GHR: variants seen among roughly 807,000 people sequenced by gnomAD.
GHR encodes GH receptor.
In GHR, 35 loss-of-function variants were observed where a neutral mutation model predicts 67.1. The ratio of observed to expected loss-of-function variants is 0.52; its 90% confidence interval spans 0.40 to 0.69. GHR has a LOEUF of 0.69. GHR is among the 30% of genes least tolerant of loss of function. GHR has a pLI of 0.00. For synonymous variants in GHR, 272 were observed against 269.1 expected (o/e 1.01, Z -0.10); for missense variants, 792 against 764.6 (o/e 1.04, Z -0.42).
At chr5:42,487,980 G>A (rs539439581) in intron 1 of GHR, among the ~76,000 whole-genome samples, 22 of 152,262 alleles carry the variant, frequency 1.4e-4, no homozygotes, top group Middle Eastern at 3.4e-3. Flanking sequence ...AGCTGCTCAT[G>A]TTTTTTGATA....
chr5:42,611,609 A>G (rs2036834033), intron 2 of GHR, among the ~76,000 whole-genome samples: 1 of 152,190 alleles, frequency 6.6e-6, no homozygotes, highest in South Asian at 2.1e-4. Context: ...GAACAGACAA[A>G]TACACAGGTC....
intron 1 of GHR, among the ~76,000 whole-genome samples, chr5:42,445,924 G>A (rs1287569936): frequency 6.6e-6 from 1 of 152,178 alleles, no homozygotes; most frequent in Admixed American, 6.5e-5. Context: ...TATGGCAGTT[G>A]AAGCCAAAGC....
At chr5:42,499,740 C>T (rs1409256985) in intron 1 of GHR, among the ~76,000 whole-genome samples, 1 of 152,136 alleles carries the variant, frequency 6.6e-6, no homozygotes, top group African/African-American at 2.4e-5. Context: ...AAACTTAGTT[C>T]AATTATGGTG....
chr5:42,465,083 G>A (rs1435624871), intron 1 of GHR, among the ~76,000 whole-genome samples: 2 of 152,200 alleles, frequency 1.3e-5, no homozygotes, highest in South Asian at 2.1e-4. Flanking sequence ...GATTTCTGGT[G>A]CTGTGTGACA....
chr5:42,573,446 C>T (rs1469382954), intron 2 of GHR, among the ~76,000 whole-genome samples: 3 of 152,070 alleles, frequency 2.0e-5, no homozygotes, highest in Admixed American at 6.5e-5. Flanking sequence ...GTCTTGTCAA[C>T]CTCTTTCCAG....
At chr5:42,683,087 C>T (rs188973498) in intron 3 of GHR, among the ~76,000 whole-genome samples, 40 of 152,212 alleles carry the variant, frequency 2.6e-4, no homozygotes, top group Admixed American at 1.5e-3. Flanking sequence ...CTGCAAACTC[C>T]GCTTCCCAGG....
intron 3 of GHR, among the ~76,000 whole-genome samples, chr5:42,648,516 C>A (rs932549074): frequency 3.3e-5 from 5 of 152,292 alleles, no homozygotes; most frequent in Middle Eastern, 6.8e-3. Flanking sequence ...CTGACTTCTT[C>A]TCTATTCCTG....
At position 42,521,154 on chromosome 5, in the gene GHR, G is replaced by A. The variant is rs367784683; in HGVS notation, c.-11-44710G>A. On this transcript the variant is annotated intron_variant, in intron 1 of 9. Transcript: ENST00000230882. The stretch of plus-strand genomic sequence containing the variant: ...GCTGGATGCGTATATGGCAAGTGGC[G>A]AGAAGCCAAGGGAATAGGACAAGAG... 7.9e-5 allele frequency among the ~76,000 whole-genome samples: 12 copies of A among 152,300 alleles called. No homozygotes were observed. In the South Asian group the frequency reaches 1.2e-3, roughly 16 times the overall value.
intron 1 of GHR, among the ~76,000 whole-genome samples, chr5:42,446,145 A>G (rs1351208411): frequency 6.6e-6 from 1 of 152,244 alleles, no homozygotes; most frequent in African/African-American, 2.4e-5. Context: ...AAGACCAGAC[A>G]TGGACTTTAG....
intron 2 of GHR, among the ~76,000 whole-genome samples, chr5:42,607,121 T>C (rs941853522): frequency 1.3e-5 from 2 of 152,160 alleles, no homozygotes; most frequent in South Asian, 2.1e-4. Flanking sequence ...CCTGCCACCA[T>C]GTAAGATTTG....
chr5:42,610,681 G>A (rs1324662604), intron 2 of GHR, among the ~76,000 whole-genome samples: 1 of 151,918 alleles, frequency 6.6e-6, no homozygotes, highest in Non-Finnish European at 1.5e-5. Flanking sequence ...AAAAAAAGGA[G>A]AGAAGGAATG....
intron 3 of GHR, among the ~76,000 whole-genome samples, chr5:42,670,878 A>T (rs796374748): frequency 0.054 from 4,719 of 88,050 alleles, 245 homozygotes; most frequent in African/African-American, 0.15. Context: ...AAAAAAAAAA[A>T]AAATATATAT....
intron 1 of GHR, among the ~76,000 whole-genome samples, chr5:42,474,309 G>GAAAGA (rs1554054606): frequency 7.1e-6 from 1 of 141,506 alleles, no homozygotes; most frequent in African/African-American, 2.7e-5. Flanking sequence ...AAGAAAGAAA[G>GAAAGA]AAAGAAAGAA....
rs183879211 is a variant in GHR, at chr5:42,474,265, A to C, written c.-12+50310A>C. 3.4e-4 allele frequency among the ~76,000 whole-genome samples: 38 copies of C among 112,802 alleles called. 2 individuals carry two copies. Among genetic ancestry groups the C allele is most frequent in the African/African-American group, 1.4e-3 (36 of 25,958 alleles). The allele number at this position is 112,802 out of a possible 152,430, so 74.0% of individuals were successfully genotyped here. A position where few individuals can be genotyped will look rare whatever the true frequency, so the allele number is the denominator to read the frequency against. The stretch of plus-strand genomic sequence containing the variant: ...AGAGAGAGAAAGACAGACAGAAAGA[A>C]AGAAAGAAAGAAAGAAAGAAAAAGA... On this transcript the variant is annotated intron_variant, in intron 1 of 9. Transcript: ENST00000230882.
chr5:42,443,041 T>C (rs1291475403), intron 1 of GHR, among the ~76,000 whole-genome samples: 12 of 152,176 alleles, frequency 7.9e-5, no homozygotes, highest in Non-Finnish European at 2.9e-5. Flanking sequence ...TGTTCACTAC[T>C]GTCTTTTTGG....
intron 1 of GHR, among the ~76,000 whole-genome samples, chr5:42,555,063 C>A (rs142920516): frequency 2.6e-4 from 40 of 152,264 alleles, no homozygotes; most frequent in African/African-American, 9.4e-4. Flanking sequence ...GGAGATGAGA[C>A]ATGATATTGA....
intron 2 of GHR, among the ~76,000 whole-genome samples, chr5:42,598,978 C>G (rs936309887): frequency 6.6e-6 from 1 of 152,180 alleles, no homozygotes; most frequent in Non-Finnish European, 1.5e-5. Flanking sequence ...TAGGCTGGAG[C>G]TTCTCAGTAG....
At chr5:42,470,382 C>G (rs960586152) in intron 1 of GHR, among the ~76,000 whole-genome samples, 1 of 151,744 alleles carries the variant, frequency 6.6e-6, no homozygotes, top group Non-Finnish European at 1.5e-5. Flanking sequence ...CTTTTTCTTC[C>G]TTCCCTTCAT....
chr5:42,612,523 C>G lies in GHR; in HGVS notation c.71-16515C>G, dbSNP rs142314361. ...TATCAAACTAGCATGTGGGTTGAGACACAACATCACATTACAAATGGGTAG... is the reference window on the plus strand; with the variant it reads ...TATCAAACTAGCATGTGGGTTGAGAGACAACATCACATTACAAATGGGTAG... On this transcript the variant is annotated intron_variant, in intron 2 of 9. Transcript: ENST00000230882. 3.8e-3 allele frequency among the ~76,000 whole-genome samples: 574 copies of G among 152,062 alleles called. 5 individuals are homozygous for G. The highest frequency in any genetic ancestry group is 0.013 in the African/African-American group (558 of 41,476).
Sources: gnomAD v4.1 joint callset for allele counts (sites outside exome capture counted in the v4.1 genomes callset) on GRCh38, gnomAD v4.1.1 for gene constraint, MANE v1.5 for transcripts, NCBI Gene and HGNC (gene_info 2026-07-23, HGNC 2026-07-21) for gene names.